Variants in TUT7 observed in about 807,000 individuals in gnomAD.
TUT7 encodes terminal uridylyl transferase 7, also known as terminal uridylyltransferase 7.
TUT7 carries 33 observed loss-of-function variants against 165.9 expected under a neutral mutation model. The observed-to-expected ratio is 0.20, with a 90% CI of 0.15 to 0.27. The LOEUF (loss-of-function observed/expected upper bound fraction) is 0.27. TUT7 is among the 10% of genes least tolerant of loss of function. TUT7 has a pLI of 1.00. For missense variants in TUT7, 1,338 were observed against 1,762.3 expected, an observed-to-expected ratio of 0.76 and a Z score of 4.31; for synonymous variants, 552 against 608.1, an observed-to-expected ratio of 0.91 and a Z score of 1.36.
At chr9:86,304,553 TG>T (rs1827273010) in intron 24 of TUT7, among the ~76,000 whole-genome samples, 1 of 152,004 alleles carries the variant, frequency 6.6e-6, no homozygotes, top group African/African-American at 2.4e-5. Flanking sequence ...AGCCGAATGC[TG>T]GCAGAACAGC....
chr9:86,330,731 T>C (rs1455885005), intron 10 of TUT7, among the ~76,000 whole-genome samples: 2 of 152,176 alleles, frequency 1.3e-5, no homozygotes, highest in African/African-American at 2.4e-5. Flanking sequence ...CTTTCACCCA[T>C]TTTGGTTTCC....
intron 8 of TUT7, 83 bp from the exon 9 acceptor site, chr9:86,339,032 A>T: frequency 7.9e-7 from 1 of 1,258,834 alleles, no homozygotes; most frequent in Non-Finnish European, 1.0e-6. Context: ...TTATGCCAAC[A>T]ACTAATATAC....
At chr9:86,337,618 C>T (rs1587986074) in intron 9 of TUT7, 80 bp from the exon 10 acceptor site, 1 of 1,476,174 alleles carries the variant, frequency 6.8e-7, no homozygotes, top group East Asian at 2.4e-5. Context: ...AAACCTGTAA[C>T]CTCATTCTTG....
intron 17 of TUT7, among the ~76,000 whole-genome samples, chr9:86,314,507 A>G (rs1353820676): frequency 6.6e-6 from 1 of 152,196 alleles, no homozygotes; most frequent in Non-Finnish European, 1.5e-5. Context: ...ACACTTTCAC[A>G]CAGGTGTTCT....
At chr9:86,315,293 G>T (rs1474826229) in intron 17 of TUT7, among the ~76,000 whole-genome samples, 1 of 152,142 alleles carries the variant, frequency 6.6e-6, no homozygotes, top group Admixed American at 6.5e-5. Flanking sequence ...TAAATCATCT[G>T]TGTGCCTAAG....
Position 86,311,667 on chromosome 9 carries a change from C to T in TUT7, c.3275-858G>A, listed in dbSNP as rs969908207. On this transcript the variant is annotated intron_variant, in intron 17 of 26. Coordinates refer to ENST00000375963, the MANE Select transcript of TUT7 (RefSeq NM_024617.4). The surrounding 1 kb of genome is among the most constrained non-coding windows in gnomAD (Gnocchi z 4.4). The stretch of plus-strand genomic sequence containing the variant: ...TCTGATGCCGGTCTCCCTCTGATGC[C>T]GAGCCGAAGCTGGACTGTACCGCTG... 1.3e-5 allele frequency among the ~76,000 whole-genome samples: 2 copies of T among 152,164 alleles called. No homozygotes were observed. The highest frequency in any genetic ancestry group is 6.5e-5 in the Admixed American group (1 of 15,282).
At chr9:86,346,654 C>A (rs1831797543) in intron 2 of TUT7, among the ~76,000 whole-genome samples, 174 bp from the exon 3 acceptor site, 1 of 152,186 alleles carries the variant, frequency 6.6e-6, no homozygotes, top group African/African-American at 2.4e-5. Flanking sequence ...ATTCAGTGAG[C>A]ACATCACCTG....
rs1017988349 is a variant in TUT7 at position 86,322,973 on chromosome 9, A to G, written c.2777T>C (p.Ile926Thr). ...ERALLVELNK[I>T]SLKEENVCEE... ...ACATACATTTTCTTCCTTGAGACTT[A>G]TTTTATTAAGTTCCACTAGGAGAGC... Residue 926 changes from isoleucine to threonine, a missense_variant, in exon 13 of 27, where the codon ATA (isoleucine) becomes ACA (threonine). This residue lies in a region of TUT7 where 425 missense variants were observed against 474.9 expected (regional missense o/e 0.89). Coordinates refer to ENST00000375963, the MANE Select transcript of TUT7 (RefSeq NM_024617.4). 2.5e-6 allele frequency: 4 copies of G among 1,613,778 alleles called. No individual in the cohort carries two copies. The African/African-American group carries it at 4.0e-5, about 16-fold the overall frequency.
chr9:86,324,493 G>A (rs1829612159), intron 12 of TUT7: 1 of 152,712 alleles, frequency 6.5e-6, no homozygotes, highest in African/African-American at 2.4e-5. Flanking sequence ...CAGCAGGTTA[G>A]GCAATTGGCC....
chr9:86,301,157 C>A, intron 26 of TUT7, 119 bp downstream of exon 26: 1 of 953,112 alleles, frequency 1.0e-6, no homozygotes, highest in Non-Finnish European at 1.5e-6. Flanking sequence ...AAAACAAGAT[C>A]TTTTTTGAGT....
At chr9:86,342,152 T>G (rs535737204) in intron 6 of TUT7, among the ~76,000 whole-genome samples, 2 of 152,182 alleles carry the variant, frequency 1.3e-5, no homozygotes, top group East Asian at 3.9e-4. Flanking sequence ...AAATAGAACC[T>G]CTGGGGCCCC....
At position 86,332,393 on chromosome 9, in the gene TUT7, A is replaced by G. The variant is rs149236094; in HGVS notation, c.1456-3901T>C. The stretch of plus-strand genomic sequence containing the variant: ...CCAAGATCATGTCTTTTGCAGGAAC[A>G]TGGATGAAGCTGGAGGCCATTATCC... On this transcript the variant is annotated intron_variant, in intron 10 of 26. Transcript: ENST00000375963. Among the ~76,000 whole-genome samples the G allele has an allele frequency of 9.2e-5, 14 of 152,332 alleles. 1 individual carries two copies. The highest frequency in any genetic ancestry group is 3.4e-4 in the African/African-American group (14 of 41,586).
chr9:86,296,144 G>A (rs1007223597), intron 26 of TUT7, among the ~76,000 whole-genome samples: 1 of 152,222 alleles, frequency 6.6e-6, no homozygotes, highest in African/African-American at 2.4e-5. Flanking sequence ...ATTGAGTGAT[G>A]AGATGTGTCG....
rs574658458 is a variant in TUT7, at chr9:86,313,480, G to A, written c.3275-2671C>T. Among the ~76,000 whole-genome samples the A allele has an allele frequency of 1.1e-4, 17 of 152,322 alleles. 1 individual carries two copies. The highest frequency in any genetic ancestry group is 4.1e-4 in the African/African-American group (17 of 41,560). ...CACCTAATGTGTGATAGGGATATGT[G>A]AAGAGTCCTTTACAAACATTACCTC... On this transcript the variant is annotated intron_variant, in intron 17 of 26. Coordinates refer to ENST00000375963, the MANE Select transcript of TUT7 (RefSeq NM_024617.4).
chr9:86,288,359 T>C lies in TUT7; in HGVS notation c.*318A>G. 5.8e-6 allele frequency: 1 copy of C among 173,442 alleles called. No homozygotes were observed. The highest frequency in any genetic ancestry group is 1.2e-5 in the Non-Finnish European group (1 of 82,456). 10.7% of individuals were successfully genotyped at this position (173,442 alleles called of 1,614,324 possible). ...ATCAGCACACCATTTTTAATGTGCT[T>C]TGAAAGAATTAAAAACCATGAAACT... is the stretch of plus-strand genomic sequence containing the variant. On this transcript the variant is annotated 3_prime_UTR_variant, in exon 27 of 27. Coordinates refer to ENST00000375963, the MANE Select transcript of TUT7 (RefSeq NM_024617.4).
intron 2 of TUT7, among the ~76,000 whole-genome samples, chr9:86,350,158 C>A (rs1467141228): frequency 2.0e-5 from 3 of 152,054 alleles, no homozygotes; most frequent in African/African-American, 7.2e-5. Flanking sequence ...TGCTAAAACC[C>A]CAACTCTACT....
intron 22 of TUT7, among the ~76,000 whole-genome samples, chr9:86,306,991 C>T (rs1035672959): frequency 1.3e-5 from 2 of 150,632 alleles, no homozygotes; most frequent in Non-Finnish European, 3.0e-5. Flanking sequence ...ATTAATAGGC[C>T]GGGCACAGTG....
chr9:86,333,210 T>C (rs1830476142), intron 10 of TUT7, among the ~76,000 whole-genome samples: 1 of 152,232 alleles, frequency 6.6e-6, no homozygotes, highest in South Asian at 2.1e-4. Flanking sequence ...GGCTCAGCTC[T>C]TGCATCAGTT....
intron 16 of TUT7, among the ~76,000 whole-genome samples, chr9:86,317,892 G>GA (rs1362684303): frequency 2.0e-5 from 3 of 152,040 alleles, no homozygotes; most frequent in African/African-American, 7.2e-5. Context: ...TGTTACTTTA[G>GA]AAATGCCCTC....
Sources: allele counts gnomAD v4.1 joint callset (sites outside exome capture counted in the v4.1 genomes callset), GRCh38; gene constraint gnomAD v4.1.1; regional missense constraint gnomAD v4.1.1; non-coding constraint Gnocchi (gnomAD v3.1); transcripts MANE v1.5; gene names NCBI Gene and HGNC (gene_info 2026-07-23, HGNC 2026-07-21).